Variants in RFX3 observed in about 807,000 individuals in gnomAD.
RFX3 encodes transcription factor RFX3.
A neutral mutation model predicts 98.6 loss-of-function variants in RFX3; 14 were observed. That is an observed-to-expected ratio of 0.14 (90% CI 0.09 to 0.22). The LOEUF is 0.22. Ranked by LOEUF, RFX3 falls within the 10% of genes least tolerant of loss-of-function variation. The pLI is 1.00. For synonymous variants in RFX3, 383 were observed against 328.4 expected (o/e 1.17, Z -1.80); for missense variants, 639 against 926.9 (o/e 0.69, Z 4.03).
At chr9:3,320,312 G>A (rs1404536438) in intron 4 of RFX3, among the ~76,000 whole-genome samples, 1 of 152,034 alleles carries the variant, frequency 6.6e-6, no homozygotes, top group Non-Finnish European at 1.5e-5. Context: ...CAGCACTTTG[G>A]GAAGCTGAGG....
Position 3,299,655 on chromosome 9 carries a change from G to T in RFX3, c.549+1891C>A, listed in dbSNP as rs1307085348. 6.6e-5 allele frequency among the ~76,000 whole-genome samples: 10 copies of T among 151,534 alleles called. No individual in the cohort carries two copies. In the South Asian group the frequency reaches 2.1e-3, roughly 31 times the overall value. On this transcript the variant is annotated intron_variant, in intron 5 of 16. Coordinates refer to ENST00000617270, the MANE Select transcript of RFX3 (RefSeq NM_001282116.2). ...CATATTATGTAATAAAAAAAATGAAGCCATGAAGTAATAAATATTTGTCAT... is the reference window on the plus strand; with the variant it reads ...CATATTATGTAATAAAAAAAATGAATCCATGAAGTAATAAATATTTGTCAT...
chr9:3,514,515 T>C (rs1817958681), intron 1 of RFX3, among the ~76,000 whole-genome samples: 1 of 152,118 alleles, frequency 6.6e-6, no homozygotes, highest in Non-Finnish European at 1.5e-5. Context: ...AGGCTCCGGG[T>C]TGTCTACAGC....
intron 1 of RFX3, among the ~76,000 whole-genome samples, chr9:3,397,983 C>T (rs1841070173): frequency 6.6e-6 from 1 of 152,188 alleles, no homozygotes; most frequent in South Asian, 2.1e-4. Flanking sequence ...GTGGCTAATA[C>T]TCCTAGATGG....
At chr9:3,435,600 G>A (rs1435162133) in intron 1 of RFX3, among the ~76,000 whole-genome samples, 20 of 151,432 alleles carry the variant, frequency 1.3e-4, no homozygotes, top group Non-Finnish European at 2.7e-4. Context: ...TTATTTATAC[G>A]GTGATTTTTA....
chr9:3,267,891 C>T (rs1481011214), intron 11 of RFX3, among the ~76,000 whole-genome samples: 1 of 151,740 alleles, frequency 6.6e-6, no homozygotes. Flanking sequence ...ATTTTTCCTA[C>T]AATTAGTGTA....
chr9:3,368,944 T>A (rs1255146771), intron 2 of RFX3, among the ~76,000 whole-genome samples: 1 of 152,234 alleles, frequency 6.6e-6, no homozygotes, highest in African/African-American at 2.4e-5. Context: ...AGGAACAATG[T>A]CTATTTCTTC....
intron 15 of RFX3, among the ~76,000 whole-genome samples, chr9:3,231,440 C>G (rs972034842): frequency 6.6e-6 from 1 of 152,176 alleles, no homozygotes; most frequent in Non-Finnish European, 1.5e-5. Flanking sequence ...TGAGGATTTA[C>G]TACTTGCCAG....
intron 4 of RFX3, among the ~76,000 whole-genome samples, 173 bp downstream of exon 4, chr9:3,330,086 T>C (rs4562385): frequency 6.6e-6 from 1 of 152,188 alleles, no homozygotes; most frequent in Non-Finnish European, 1.5e-5. Context: ...TATGTATCAG[T>C]AACATTCTGC....
chr9:3,218,467 T>C lies in RFX3; in HGVS notation c.*6575A>G, dbSNP rs910721682. On this transcript the variant is annotated 3_prime_UTR_variant, in exon 17 of 17. Transcript: ENST00000617270. Reference sequence around the variant, plus strand: ...TTAAACAACACACTAAAAGTTAATATATATTTTTATAATTATAAAAGTTCC... The same window carrying C: ...TTAAACAACACACTAAAAGTTAATACATATTTTTATAATTATAAAAGTTCC... The C allele has an allele frequency of 4.6e-5, 7 of 152,128 alleles. No homozygotes were observed. Among genetic ancestry groups the C allele is most frequent in the African/African-American group, 1.7e-4 (7 of 41,454 alleles). 9.4% of individuals were successfully genotyped at this position (152,128 alleles called of 1,614,324 possible). A position where few individuals can be genotyped will look rare whatever the true frequency, so the allele number is the denominator to read the frequency against.
intron 12 of RFX3, among the ~76,000 whole-genome samples, chr9:3,264,669 C>T (rs1823380390): frequency 6.6e-6 from 1 of 152,172 alleles, no homozygotes; most frequent in Non-Finnish European, 1.5e-5. Flanking sequence ...AACTTCATTA[C>T]TGATGGGAAT....
chr9:3,289,141 C>T (rs1465172068), intron 6 of RFX3, among the ~76,000 whole-genome samples: 2 of 152,168 alleles, frequency 1.3e-5, no homozygotes. Context: ...TATAGCAATA[C>T]ATCAGCACTT....
At chr9:3,275,016 G>C (rs577544645) in intron 9 of RFX3, among the ~76,000 whole-genome samples, 2 of 151,886 alleles carry the variant, frequency 1.3e-5, no homozygotes, top group Admixed American at 6.6e-5. Flanking sequence ...AAATCTCGAA[G>C]TGATCCATTT....
intron 1 of RFX3, among the ~76,000 whole-genome samples, chr9:3,396,029 T>C (rs1320859536): frequency 6.6e-6 from 1 of 152,144 alleles, no homozygotes; most frequent in East Asian, 1.9e-4. Flanking sequence ...GAATATAATT[T>C]AGAGTAAATC....
At chr9:3,490,330 A>C in intron 1 of RFX3, 1 of 984,122 alleles carries the variant, frequency 1.0e-6, no homozygotes, top group Non-Finnish European at 1.2e-6. Flanking sequence ...ATAAAATGCC[A>C]GAATGACCAA....
chr9:3,267,588 C>T (rs1823811034), intron 11 of RFX3, among the ~76,000 whole-genome samples: 1 of 151,776 alleles, frequency 6.6e-6, no homozygotes, highest in Non-Finnish European at 1.5e-5. Flanking sequence ...TTGGAACGGG[C>T]TAAATTTTGG....
intron 15 of RFX3, among the ~76,000 whole-genome samples, chr9:3,242,699 G>C (rs1039390066): frequency 2.6e-5 from 4 of 151,914 alleles, no homozygotes; most frequent in Non-Finnish European, 4.4e-5. Flanking sequence ...AGGTTTTGAA[G>C]ATTTTTTTCC....
intron 1 of RFX3, among the ~76,000 whole-genome samples, chr9:3,509,045 C>A (rs1282836303): frequency 6.6e-6 from 1 of 151,564 alleles, no homozygotes; most frequent in Non-Finnish European, 1.5e-5. Flanking sequence ...ACAATTCCTG[C>A]CACAGTCCCA....
chr9:3,303,579 A>G (rs1427012252), intron 4 of RFX3, among the ~76,000 whole-genome samples: 3 of 151,892 alleles, frequency 2.0e-5, no homozygotes, highest in African/African-American at 7.2e-5. Flanking sequence ...ACACTAAAGG[A>G]GAAGTCCATG....
intron 2 of RFX3, among the ~76,000 whole-genome samples, chr9:3,362,981 T>C (rs2131409307): frequency 6.6e-6 from 1 of 152,342 alleles, no homozygotes; most frequent in East Asian, 1.9e-4. Context: ...AACCTATTTT[T>C]GTGAATCCAA....
Sources: gnomAD v4.1 joint callset for allele counts (sites outside exome capture counted in the v4.1 genomes callset) on GRCh38, gnomAD v4.1.1 for gene constraint, MANE v1.5 for transcripts, NCBI Gene and HGNC (gene_info 2026-07-23, HGNC 2026-07-21) for gene names.